INF2: variants seen among roughly 807,000 people sequenced by gnomAD.
INF2 encodes the protein inverted formin 2, also known as inverted formin-2.
In INF2, 43 loss-of-function variants were observed where a neutral mutation model predicts 123.5. The ratio of observed to expected loss-of-function variants is 0.35; its 90% CI spans 0.27 to 0.45. INF2 has a LOEUF of 0.45. INF2 is among the 20% of genes least tolerant of loss of function. INF2 has a pLI of 1.00. For synonymous variants in INF2, 851 were observed against 745.0 expected, an observed-to-expected ratio of 1.14 and a Z score of -2.32; for missense variants, 1,453 against 1,682.7, an observed-to-expected ratio of 0.86 and a Z score of 2.39.
rs568528383 is a variant in INF2, at chr14:104,683,718, C to CA, written c.-104+2141dup. ...TCTCTTCAAAACACAGTCCAGTGGC[C>CA]AAAAATCACCTGCAAGACATTCTAG... On this transcript the variant is annotated intron_variant, in intron 1 of 2. Transcript: ENST00000674723. Among the ~76,000 whole-genome samples, 4 of 151,944 alleles carry CA rather than the reference C, an allele frequency of 2.6e-5. No individual in the cohort carries two copies. The South Asian group carries it at 8.3e-4, about 32-fold the overall frequency.
intron 1 of INF2, chr14:104,681,640 C>T (rs1168962732): frequency 7.1e-6 from 9 of 1,267,852 alleles, no homozygotes; most frequent in East Asian, 5.6e-5. Flanking sequence ...AGAGCAGACA[C>T]GGGGGCGGAG....
Position 104,712,489 on chromosome 14 carries a change from A to G in INF2, c.2546A>G (p.Glu849Gly), listed in dbSNP as rs1022509295. Residue 849 changes from glutamate (E) to glycine (G), a missense_variant, in exon 17 of 23, where the codon GAG (glutamate) becomes GGG (glycine). This residue lies in a region of INF2 where 212 missense variants were observed against 266.2 expected (regional missense o/e 0.80). Coordinates refer to ENST00000392634, the MANE Select transcript of INF2 (RefSeq NM_022489.4). ...AGCTCCAACCTGAAGAAGCTTCTGG[A>G]GACCGAGCGGAAGGTGTCTGCCTCC... is the stretch of plus-strand genomic sequence containing the variant. ...EASSNLKKLLETERKVSASVA... is the reference protein window; with the variant it reads ...EASSNLKKLLGTERKVSASVA... 4.3e-6 allele frequency: 7 copies of G among 1,612,580 alleles called. No homozygotes were observed. In the African/African-American group the frequency reaches 9.3e-5, roughly 22 times the overall value.
chr14:104,716,749 G>A (rs750847300), intron 22 of INF2, among the ~76,000 whole-genome samples: 3 of 152,154 alleles, frequency 2.0e-5, no homozygotes, highest in Non-Finnish European at 4.4e-5. Flanking sequence ...GGAGTGCAGT[G>A]GTGCGATCTG....
At chr14:104,683,396 G>A (rs1888578605) in intron 1 of INF2, among the ~76,000 whole-genome samples, 1 of 151,952 alleles carries the variant, frequency 6.6e-6, no homozygotes, top group Non-Finnish European at 1.5e-5. Context: ...CCCCCACCAG[G>A]GGTGTCAAAG....
intron 1 of INF2, among the ~76,000 whole-genome samples, chr14:104,682,856 C>T (rs1485362002): frequency 6.6e-6 from 1 of 152,128 alleles, no homozygotes; most frequent in Non-Finnish European, 1.5e-5. Context: ...GAAAGTCAGC[C>T]AACCCTAGGA....
upstream of INF2, among the ~76,000 whole-genome samples, chr14:104,687,915 C>CT (rs1290485424): frequency 1.3e-5 from 2 of 152,244 alleles, no homozygotes; most frequent in East Asian, 3.8e-4. The surrounding 1 kb of genome is among the most constrained non-coding windows in gnomAD (Gnocchi z 5.6). Flanking sequence ...TGCCCAGCAC[C>CT]GCTGCCAGGC....
intron 1 of INF2, among the ~76,000 whole-genome samples, chr14:104,696,799 C>T (rs1397438347): frequency 6.6e-6 from 1 of 152,152 alleles, no homozygotes; most frequent in Non-Finnish European, 1.5e-5. Context: ...TCCTGCCGTT[C>T]TGCCCACCCA....
intron 1 of INF2, among the ~76,000 whole-genome samples, chr14:104,700,273 C>G: frequency 6.6e-6 from 1 of 152,182 alleles, no homozygotes; most frequent in East Asian, 1.9e-4. Flanking sequence ...TCTCTAGGAC[C>G]CAGCCGCCTC....
At chr14:104,705,271 G>A (rs1428621220) in intron 5 of INF2, among the ~76,000 whole-genome samples, 1 of 152,228 alleles carries the variant, frequency 6.6e-6, no homozygotes, top group Non-Finnish European at 1.5e-5. Context: ...ACAAAAATTA[G>A]CTGGCCGTGG....
rs762019986 is a variant in INF2 at position 104,714,720 on chromosome 14, C to T, written c.3558C>T (p.Asp1186=). Residue 1186 remains aspartate (D), a synonymous_variant, in exon 21 of 23, where the codon GAC becomes GAT. Coordinates refer to ENST00000392634, the MANE Select transcript of INF2 (RefSeq NM_022489.4). ...EEDTAPESAL[D]TSLDKSFSED... is the part of the protein sequence containing the mutation. ...ACACGGCCCCAGAGTCCGCACTGGA[C>T]ACATCCCTGGACAAGTCCTTCTCCG... 6 of 1,607,852 alleles carry T rather than the reference C, an allele frequency of 3.7e-6. No homozygotes were observed. The African/African-American group carries it at 6.7e-5, about 18-fold the overall frequency.
chr14:104,696,943 C>G (rs936889263), intron 1 of INF2, among the ~76,000 whole-genome samples: 1 of 152,132 alleles, frequency 6.6e-6, no homozygotes, highest in Non-Finnish European at 1.5e-5. Context: ...AGCAGCCCCC[C>G]ACAGGTGCTC....
Position 104,707,026 on chromosome 14 carries a change from C to T in INF2, c.960C>T (p.Asn320=). ...LLWEALESLV[N]RAVLLASDAQ... Reference sequence around the variant, plus strand: ...GGGAGGCCCTGGAGAGCCTCGTGAACCGGGCCGTGCTCCTGGCCAGCGATG... The same window carrying T: ...GGGAGGCCCTGGAGAGCCTCGTGAATCGGGCCGTGCTCCTGGCCAGCGATG... Residue 320 remains asparagine, a synonymous_variant, in exon 7 of 23, where the codon AAC becomes AAT. Transcript: ENST00000392634. The T allele has an allele frequency of 6.3e-7, 1 of 1,586,088 alleles. No homozygotes were observed. The highest frequency in any genetic ancestry group is 2.3e-5 in the East Asian group (1 of 44,218).
chr14:104,701,725 C>T lies in INF2; in HGVS notation c.360C>T (p.Ser120=). Residue 120 remains serine, a synonymous_variant, in exon 2 of 23, where the codon AGC becomes AGT. Transcript: ENST00000392634. ...GGCAGGGCATCGAGTACATCCTCAGCAACCAGGGCTACGTGCGCCAGCTCT... is the reference window on the plus strand; with the variant it reads ...GGCAGGGCATCGAGTACATCCTCAGTAACCAGGGCTACGTGCGCCAGCTCT... ...NSRQGIEYIL[S]NQGYVRQLSQ... The T allele has an allele frequency of 6.5e-7, 1 of 1,534,480 alleles. No individual in the cohort carries two copies. The highest frequency in any genetic ancestry group is 8.8e-7 in the Non-Finnish European group (1 of 1,139,628).
intron 22 of INF2, among the ~76,000 whole-genome samples, chr14:104,716,607 G>A (rs1046063684): frequency 3.3e-5 from 5 of 152,222 alleles, no homozygotes; most frequent in African/African-American, 7.2e-5. Context: ...CCTGCTACAC[G>A]TGCTTAGCCT....
At chr14:104,691,695 A>G (rs1888961384) in intron 1 of INF2, among the ~76,000 whole-genome samples, 1 of 152,180 alleles carries the variant, frequency 6.6e-6, no homozygotes, top group Non-Finnish European at 1.5e-5. Context: ...GTCAAAGACT[A>G]AGTTCTACCA....
chr14:104,689,133 A>G (rs1487773909), upstream of INF2: 4 of 878,896 alleles, frequency 4.6e-6, no homozygotes, highest in South Asian at 1.6e-4. Flanking sequence ...GTTGATGGGT[A>G]GGCTCTCTCT....
At chr14:104,694,734 C>G (rs577996150) in intron 1 of INF2, among the ~76,000 whole-genome samples, 9 of 152,176 alleles carry the variant, frequency 5.9e-5, no homozygotes, top group Non-Finnish European at 8.8e-5. Context: ...GGCTCAGCCT[C>G]TCCCCCACTC....
intron 21 of INF2, 55 bp downstream of exon 21, chr14:104,714,911 C>T: frequency 1.6e-5 from 23 of 1,454,328 alleles, no homozygotes; most frequent in Middle Eastern, 4.3e-4. Context: ...TGGCACCCAG[C>T]CGGTCCCTCC....
At chr14:104,710,034 G>T (rs980369279) in intron 12 of INF2, 54 bp from the exon 13 acceptor site, 1 of 1,429,012 alleles carries the variant, frequency 7.0e-7, no homozygotes, top group Non-Finnish European at 9.6e-7. Flanking sequence ...GTGCCCCTCT[G>T]GCAGGGACAG....
Sources: allele counts gnomAD v4.1 joint callset (sites outside exome capture counted in the v4.1 genomes callset), GRCh38; gene constraint gnomAD v4.1.1; regional missense constraint gnomAD v4.1.1; non-coding constraint Gnocchi (gnomAD v3.1); transcripts MANE v1.5; gene names NCBI Gene and HGNC (gene_info 2026-07-23, HGNC 2026-07-21).